The following VPS13C variants were observed in gnomAD, a reference collection of about 807,000 sequenced individuals.
VPS13C encodes vacuolar protein sorting 13 homolog C, also known as intermembrane lipid transfer protein VPS13C.
Under a neutral mutation model 456.8 loss-of-function variants are expected in VPS13C, and 358 were observed. That is an observed-to-expected ratio of 0.78 (90% CI 0.72 to 0.86). The LOEUF (loss-of-function observed/expected upper bound fraction) is 0.86. VPS13C is among the 40% of genes least tolerant of loss of function. VPS13C has a pLI of 0.00. For synonymous variants in VPS13C, 1,578 were observed against 1,486.7 expected, an observed-to-expected ratio of 1.06 and a Z score of -1.41; for missense variants, 4,818 against 4,385.4, an observed-to-expected ratio of 1.10 and a Z score of -2.79.
At chr15:61,902,661 A>T (rs1056836589) in intron 66 of VPS13C, among the ~76,000 whole-genome samples, 5 of 152,218 alleles carry the variant, frequency 3.3e-5, no homozygotes, top group Non-Finnish European at 7.3e-5. Context: ...TTATGAAAAA[A>T]GTTCTCAACA....
chr15:61,859,376 T>C (rs1052362224), intron 82 of VPS13C, among the ~76,000 whole-genome samples: 1 of 152,004 alleles, frequency 6.6e-6, no homozygotes, highest in African/African-American at 2.4e-5. Context: ...AAAAATAAAA[T>C]AGCAGACTAT....
At chr15:61,991,237 C>G (rs1185407682) in intron 17 of VPS13C, 143 bp from the exon 18 acceptor site, 1 of 628,058 alleles carries the variant, frequency 1.6e-6, no homozygotes, top group Non-Finnish European at 2.7e-6. Flanking sequence ...CTCTAATATA[C>G]TACAACTTTG....
chr15:61,937,696 G>A (rs555902953), intron 47 of VPS13C, among the ~76,000 whole-genome samples: 2 of 152,092 alleles, frequency 1.3e-5, no homozygotes, highest in Non-Finnish European at 1.5e-5. Context: ...GGATGGTCTC[G>A]ATCTCCTGAC....
At chr15:61,897,454 T>C (rs2042861255) in intron 66 of VPS13C, among the ~76,000 whole-genome samples, 3 of 152,074 alleles carry the variant, frequency 2.0e-5, no homozygotes, top group African/African-American at 7.2e-5. Context: ...ACGTGAAGAA[T>C]GCAGAAGCCT....
At chr15:62,053,153 T>C (rs2048681054) in intron 1 of VPS13C, among the ~76,000 whole-genome samples, 1 of 152,194 alleles carries the variant, frequency 6.6e-6, no homozygotes, top group Admixed American at 6.5e-5. Flanking sequence ...CTTTTCATTA[T>C]TGTTTACTTT....
chr15:62,056,591 G>C (rs1027807660), intron 1 of VPS13C, among the ~76,000 whole-genome samples: 1 of 152,272 alleles, frequency 6.6e-6, no homozygotes. Flanking sequence ...TTCCCCGGGG[G>C]AGTTTAGATA....
intron 3 of VPS13C, among the ~76,000 whole-genome samples, chr15:62,037,209 AAATATATTATAT>A (rs1161121921): frequency 1.9e-5 from 2 of 106,314 alleles, no homozygotes; most frequent in East Asian, 2.4e-4. Context: ...TATAATATAT[AAATATATTATAT>A]AATATATTAT....
chr15:62,031,160 A>G (rs115965191), intron 5 of VPS13C, among the ~76,000 whole-genome samples: 2,894 of 152,214 alleles, frequency 0.019, 62 homozygotes, highest in South Asian at 0.07. Flanking sequence ...TTATTCCTAT[A>G]CGATAGTGGG....
At chr15:61,921,779 A>G (rs948614998) in intron 55 of VPS13C, among the ~76,000 whole-genome samples, 168 bp downstream of exon 55, 6 of 152,116 alleles carry the variant, frequency 3.9e-5, no homozygotes, top group African/African-American at 1.2e-4. Context: ...TACACTCGTG[A>G]GAGAATGAGA....
chr15:61,857,532 G>C (rs772065551), intron 82 of VPS13C, among the ~76,000 whole-genome samples: 1 of 152,124 alleles, frequency 6.6e-6, no homozygotes, highest in Non-Finnish European at 1.5e-5. Flanking sequence ...TGAGCTTAGC[G>C]CCAGACCTTG....
At chr15:61,988,105 T>C (rs1487517178) in intron 18 of VPS13C, among the ~76,000 whole-genome samples, 1 of 152,164 alleles carries the variant, frequency 6.6e-6, no homozygotes, top group African/African-American at 2.4e-5. Context: ...AAATATTATT[T>C]TGAGCAAAAG....
intron 62 of VPS13C, among the ~76,000 whole-genome samples, chr15:61,912,818 G>C (rs1384531603): frequency 1.8e-5 from 2 of 113,062 alleles, no homozygotes; most frequent in East Asian, 5.2e-4. Context: ...ACAGTCCCCA[G>C]AGTGTGATGT....
chr15:61,945,007 T>C (rs1477530638), intron 45 of VPS13C, among the ~76,000 whole-genome samples: 1 of 152,112 alleles, frequency 6.6e-6, no homozygotes, highest in Non-Finnish European at 1.5e-5. Context: ...GGTGACTGGA[T>C]CACAGGGGCA....
rs778889731 is a variant in VPS13C at position 62,041,323 on chromosome 15, C to A, written c.187+1G>T. On this transcript the variant is annotated splice_donor_variant, in intron 3 of 84. Transcript: ENST00000644861. LOFTEE classifies it high-confidence loss of function. ...ATTCAAATGAAGACTAAAGTACTTA[C>A]CAATTTGGCCAGCCTTGACTTTAAA... is the stretch of plus-strand genomic sequence containing the variant. The A allele has an allele frequency of 1.2e-6, 2 of 1,606,170 alleles. No individual in the cohort carries two copies. Among genetic ancestry groups the A allele is most frequent in the Admixed American group, 3.5e-5 (2 of 57,756 alleles).
intron 47 of VPS13C, among the ~76,000 whole-genome samples, chr15:61,937,907 G>C (rs764232917): frequency 6.6e-6 from 1 of 152,220 alleles, no homozygotes; most frequent in African/African-American, 2.4e-5. Flanking sequence ...TCTACCTTAT[G>C]TAAGACACAG....
intron 49 of VPS13C, among the ~76,000 whole-genome samples, chr15:61,933,356 G>A (rs969441275): frequency 6.6e-6 from 1 of 151,954 alleles, no homozygotes; most frequent in African/African-American, 2.4e-5. Context: ...ACAGATACAA[G>A]CCAAAAATTC....
At chr15:61,941,734 C>G in intron 46 of VPS13C, 29 bp downstream of exon 46, 1 of 1,557,788 alleles carries the variant, frequency 6.4e-7, no homozygotes, top group East Asian at 2.3e-5. Context: ...TTCTAGTAAG[C>G]AATACACAAT....
At chr15:61,987,390 A>C (rs1216321008) in intron 18 of VPS13C, among the ~76,000 whole-genome samples, 1 of 152,200 alleles carries the variant, frequency 6.6e-6, no homozygotes, top group Non-Finnish European at 1.5e-5. Flanking sequence ...GAGGCCTCAC[A>C]ATCATGGCAG....
At chr15:61,943,191 TC>T (rs1222685464) in intron 45 of VPS13C, among the ~76,000 whole-genome samples, 1 of 152,054 alleles carries the variant, frequency 6.6e-6, no homozygotes, top group Non-Finnish European at 1.5e-5. Flanking sequence ...TGGCTATACT[TC>T]TCAAAGCAAT....
Sources: allele counts gnomAD v4.1 joint callset (sites outside exome capture counted in the v4.1 genomes callset), GRCh38; gene constraint gnomAD v4.1.1; transcripts MANE v1.5; gene names NCBI Gene and HGNC (gene_info 2026-07-23, HGNC 2026-07-21).